The following GSDMC variants were observed in gnomAD, a reference collection of about 807,000 sequenced individuals.
The protein encoded by GSDMC is gasdermin C.
GSDMC carries 59 observed loss-of-function variants against 58.0 expected under a neutral mutation model. That is an observed-to-expected ratio of 1.02 (90% CI 0.82 to 1.26). The LOEUF (loss-of-function observed/expected upper bound fraction) is 1.26, where lower values mean the gene tolerates loss of function less well. Ranked by LOEUF, GSDMC falls within the 50% of genes most tolerant of loss-of-function variation. GSDMC has a pLI of 0.00. For missense variants in GSDMC, 659 were observed against 598.5 expected (o/e 1.10, Z -1.06); for synonymous variants, 241 against 220.2 (o/e 1.09, Z -0.83).
At chr8:129,723,660 C>T in the GSDMC span, among the ~76,000 whole-genome samples, 1 of 152,240 alleles carries the variant, frequency 6.6e-6, no homozygotes, top group South Asian at 2.1e-4. Context: ...CTGAGCAAAG[C>T]CCTGGTTCCT....
At chr8:129,780,581 C>A (rs1300144103) in intron 1 of GSDMC, among the ~76,000 whole-genome samples, 1 of 152,100 alleles carries the variant, frequency 6.6e-6, no homozygotes, top group Admixed American at 6.6e-5. Flanking sequence ...GAAATAAAGA[C>A]CTTCCCAAAC....
chr8:129,750,692 C>T (rs761004047), intron 10 of GSDMC, 122 bp from the exon 11 acceptor site: 106 of 907,514 alleles, frequency 1.2e-4, no homozygotes, highest in Non-Finnish European at 1.5e-4. Context: ...CAGCTGCTAA[C>T]CAAAATTGTC....
chr8:129,742,860 C>A, the GSDMC span, among the ~76,000 whole-genome samples: 1 of 152,178 alleles, frequency 6.6e-6, no homozygotes, highest in African/African-American at 2.4e-5. Flanking sequence ...TGGCCAGAAT[C>A]AAAAGTTTAC....
At chr8:129,778,418 A>T (rs2034311994) in intron 1 of GSDMC, among the ~76,000 whole-genome samples, 2 of 152,208 alleles carry the variant, frequency 1.3e-5, no homozygotes, top group East Asian at 3.8e-4. Context: ...CAGAAGAGTG[A>T]AAATGGACCA....
At chr8:129,706,117 G>A in the GSDMC span, among the ~76,000 whole-genome samples, 1 of 152,176 alleles carries the variant, frequency 6.6e-6, no homozygotes. Context: ...GTTTAGGAAG[G>A]TGATGCTGCT....
chr8:129,780,723 G>A (rs1246427927), intron 1 of GSDMC, among the ~76,000 whole-genome samples: 1 of 152,150 alleles, frequency 6.6e-6, no homozygotes, highest in Admixed American at 6.5e-5. Context: ...AATGGTAGTA[G>A]GAAGCACACA....
Position 129,767,411 on chromosome 8 carries a change from A to G in GSDMC, c.405-1618T>C, listed in dbSNP as rs2033898390. ...CAGAGCCCAGTCCCAGGCCCCACTC[A>G]AGCAGAAAGTAAAGCTGGTGACTCT... On this transcript the variant is annotated intron_variant, in intron 3 of 13. Coordinates refer to ENST00000276708, the MANE Select transcript of GSDMC (RefSeq NM_031415.3). Among the ~76,000 whole-genome samples the G allele has an allele frequency of 2.0e-5, 3 of 151,990 alleles. No individual in the cohort carries two copies. The South Asian group carries it at 6.2e-4, about 32-fold the overall frequency.
At chr8:129,747,160 G>A (rs1357142881), downstream of GSDMC, among the ~76,000 whole-genome samples, 2 of 151,896 alleles carry the variant, frequency 1.3e-5, no homozygotes, top group Non-Finnish European at 2.9e-5. Context: ...AGGAAGATGA[G>A]GCACAAGAAT....
At chr8:129,773,358 T>C (rs991150560) in intron 3 of GSDMC, among the ~76,000 whole-genome samples, 9 of 152,256 alleles carry the variant, frequency 5.9e-5, no homozygotes, top group African/African-American at 1.9e-4. Context: ...CACTATCTTA[T>C]ACATCGAAAA....
the GSDMC span, among the ~76,000 whole-genome samples, chr8:129,733,434 G>A: frequency 3.3e-5 from 5 of 152,148 alleles, no homozygotes; most frequent in African/African-American, 1.2e-4. Context: ...ACCTCATACA[G>A]GCGGATGCCC....
chr8:129,750,275 C>T (rs756950515), intron 11 of GSDMC, among the ~76,000 whole-genome samples, 156 bp from the exon 12 acceptor site: 1 of 152,210 alleles, frequency 6.6e-6, no homozygotes, highest in Non-Finnish European at 1.5e-5. Flanking sequence ...GGCGACACTT[C>T]CCTGGCCCAT....
chr8:129,770,414 TA>T (rs2034009745), intron 3 of GSDMC, among the ~76,000 whole-genome samples: 1 of 152,138 alleles, frequency 6.6e-6, no homozygotes, highest in Non-Finnish European at 1.5e-5. Context: ...GAGAATTGCT[TA>T]AACCTAGGAG....
intron 3 of GSDMC, among the ~76,000 whole-genome samples, chr8:129,771,894 A>G (rs2034063015): frequency 6.6e-6 from 1 of 152,250 alleles, no homozygotes; most frequent in Non-Finnish European, 1.5e-5. Context: ...TTCTAAGAGG[A>G]AAGTTTATAA....
At chr8:129,767,780 T>A (rs2033915759) in intron 3 of GSDMC, among the ~76,000 whole-genome samples, 1 of 151,824 alleles carries the variant, frequency 6.6e-6, no homozygotes, top group African/African-American at 2.4e-5. Flanking sequence ...AGTGGCTCCA[T>A]CTGAATATGG....
At chr8:129,763,731 C>T (rs753641415) in intron 4 of GSDMC, among the ~76,000 whole-genome samples, 11 of 152,054 alleles carry the variant, frequency 7.2e-5, no homozygotes, top group Non-Finnish European at 1.2e-4. Context: ...TATGCACCAC[C>T]GCACCTGGCT....
At chr8:129,773,785 C>CA (rs3078753) in intron 3 of GSDMC, among the ~76,000 whole-genome samples, 5,886 of 77,522 alleles carry the variant, frequency 0.076, 267 homozygotes, top group African/African-American at 0.15. Flanking sequence ...GACTCTGTCT[C>CA]AAAAAAAAAA....
At chr8:129,758,964 A>G (rs1326506950) in intron 6 of GSDMC, among the ~76,000 whole-genome samples, 3 of 152,086 alleles carry the variant, frequency 2.0e-5, no homozygotes, top group African/African-American at 7.2e-5. Flanking sequence ...CTCCAAATTA[A>G]ACTGCAGAGC....
chr8:129,766,096 C>T (rs1244084380), intron 3 of GSDMC, among the ~76,000 whole-genome samples: 1 of 151,962 alleles, frequency 6.6e-6, no homozygotes, highest in Non-Finnish European at 1.5e-5. Flanking sequence ...ACTAGGGTCT[C>T]TCAGAAAAAA....
At chr8:129,765,587 A>AT (rs773959889) in intron 4 of GSDMC, 41 bp downstream of exon 4, 18 of 1,502,574 alleles carry the variant, frequency 1.2e-5, no homozygotes, top group African/African-American at 2.7e-5. Flanking sequence ...GACTGGCTGT[A>AT]TTTTTTTGAA....
Sources: allele counts gnomAD v4.1 joint callset (sites outside exome capture counted in the v4.1 genomes callset), GRCh38; gene constraint gnomAD v4.1.1; transcripts MANE v1.5; gene names NCBI Gene and HGNC (gene_info 2026-07-23, HGNC 2026-07-21).